PROS1: variants seen among roughly 807,000 people sequenced by gnomAD.
The protein encoded by PROS1 is vitamin K-dependent protein S.
Under a neutral mutation model 75.9 loss-of-function variants are expected in PROS1, and 29 were observed. The observed-to-expected ratio is 0.38, with a 90% CI of 0.28 to 0.52. The LOEUF (loss-of-function observed/expected upper bound fraction) is 0.52. Among genes scored for constraint, PROS1 ranks in the 20% least tolerant of loss-of-function variants. The probability of loss-of-function intolerance (pLI) is 0.83; values close to 1 mark genes in which losing one functional copy is unlikely to be tolerated. For synonymous variants in PROS1, 245 were observed against 280.6 expected (o/e 0.87, Z 1.27); for missense variants, 680 against 810.3 (o/e 0.84, Z 1.95).
At chr3:93,902,559 C>T (rs945005056) in intron 6 of PROS1, among the ~76,000 whole-genome samples, 16 of 152,000 alleles carry the variant, frequency 1.1e-4, no homozygotes, top group Admixed American at 9.8e-4. Flanking sequence ...TCAAGACCAG[C>T]CTGGTCAACA....
At chr3:93,915,263 T>C (rs1708827012) in intron 3 of PROS1, among the ~76,000 whole-genome samples, 1 of 152,086 alleles carries the variant, frequency 6.6e-6, no homozygotes, top group South Asian at 2.1e-4. Context: ...GGTAAGGAGT[T>C]TGAGGCTGCC....
intron 3 of PROS1, among the ~76,000 whole-genome samples, chr3:93,914,045 G>T (rs8178616): frequency 0.32 from 48,596 of 152,254 alleles, 9,635 homozygotes; most frequent in East Asian, 0.52. Context: ...GGTAGGGGCT[G>T]AGCCCTCAAG....
chr3:93,912,505 G>A (rs929936388), intron 3 of PROS1, among the ~76,000 whole-genome samples: 47 of 152,110 alleles, frequency 3.1e-4, no homozygotes, highest in African/African-American at 1.1e-3. Flanking sequence ...AGCCTACCAT[G>A]GTGAGATAGA....
chr3:93,902,930 G>A (rs1224332485), intron 6 of PROS1, among the ~76,000 whole-genome samples: 1 of 152,000 alleles, frequency 6.6e-6, no homozygotes, highest in African/African-American at 2.4e-5. Flanking sequence ...GATCTGTTGT[G>A]ATCTCAGCTC....
At chr3:93,935,692 G>C (rs960652829) in intron 1 of PROS1, among the ~76,000 whole-genome samples, 2 of 152,050 alleles carry the variant, frequency 1.3e-5, no homozygotes, top group African/African-American at 4.8e-5. Context: ...ATTTTTTAAA[G>C]TGCTTATTTG....
chr3:93,903,446 T>G (rs1163856110), intron 6 of PROS1, among the ~76,000 whole-genome samples: 3 of 152,204 alleles, frequency 2.0e-5, no homozygotes, highest in Non-Finnish European at 4.4e-5. Context: ...GATGGATCAC[T>G]TCAACCCAAG....
intron 1 of PROS1, among the ~76,000 whole-genome samples, chr3:93,934,445 A>G (rs1048142906): frequency 1.3e-5 from 2 of 152,122 alleles, no homozygotes; most frequent in African/African-American, 4.8e-5. Flanking sequence ...TTTTCTCTAG[A>G]TTTTATATTT....
intron 1 of PROS1, among the ~76,000 whole-genome samples, chr3:93,964,496 G>T (rs576083347): frequency 6.6e-6 from 1 of 151,864 alleles, no homozygotes; most frequent in Admixed American, 6.5e-5. Context: ...TTACTAGGGT[G>T]GGGAAAAAAC....
At position 93,973,715 on chromosome 3, in the gene PROS1, A is replaced by AGCAGCGCCCC; in HGVS notation, c.25_34dup (p.Leu12ArgfsTer30). On this transcript the variant is annotated frameshift_variant, in exon 1 of 15. Coordinates refer to ENST00000394236, the MANE Select transcript of PROS1 (RefSeq NM_000313.4). LOFTEE classifies it high-confidence loss of function. ...GGGAAGCACTAGGAGGAGACACGCC[A>AGCAGCGCCCC]GCAGCGCCCCGCAGCGCCCACCCAG... 6.2e-7 allele frequency: 1 copy of AGCAGCGCCCC among 1,614,010 alleles called. No individual in the cohort carries two copies.
intron 1 of PROS1, among the ~76,000 whole-genome samples, chr3:93,927,874 T>TGC (rs1709044507): frequency 2.2e-5 from 3 of 133,820 alleles, no homozygotes; most frequent in African/African-American, 8.1e-5. Flanking sequence ...TATATATATA[T>TGC]GTGTGTATGT....
At chr3:93,902,178 G>A (rs1708606298) in intron 6 of PROS1, among the ~76,000 whole-genome samples, 1 of 152,102 alleles carries the variant, frequency 6.6e-6, no homozygotes, top group South Asian at 2.1e-4. Context: ...GTGGTGGCAT[G>A]TGTTCTTGTT....
chr3:93,884,347 C>T (rs376708845), intron 12 of PROS1, among the ~76,000 whole-genome samples: 3 of 152,206 alleles, frequency 2.0e-5, no homozygotes, highest in South Asian at 2.1e-4. Flanking sequence ...GGAATTTCAA[C>T]AGGGAGGTAG....
At chr3:93,900,145 AAAC>A (rs1708568544) in intron 7 of PROS1, among the ~76,000 whole-genome samples, 1 of 152,204 alleles carries the variant, frequency 6.6e-6, no homozygotes, top group South Asian at 2.1e-4. Context: ...ACCTACAAAC[AAAC>A]AACTATAATA....
intron 1 of PROS1, among the ~76,000 whole-genome samples, chr3:93,944,857 A>G (rs1709353558): frequency 6.6e-6 from 1 of 152,154 alleles, no homozygotes; most frequent in African/African-American, 2.4e-5. Context: ...AAAAAAATCA[A>G]TGAATCTAGG....
At chr3:93,935,209 A>G (rs1709164705) in intron 1 of PROS1, among the ~76,000 whole-genome samples, 1 of 151,904 alleles carries the variant, frequency 6.6e-6, no homozygotes, top group Non-Finnish European at 1.5e-5. Flanking sequence ...ATTTTCTACA[A>G]CTCTATTTTT....
chr3:93,958,439 C>G (rs1197267600), intron 1 of PROS1: 2 of 152,224 alleles, frequency 1.3e-5, no homozygotes, highest in Admixed American at 6.5e-5. Flanking sequence ...ATTCCAACAT[C>G]TGTCAAAACC....
chr3:93,898,023 A>C (rs1708529139), intron 8 of PROS1, among the ~76,000 whole-genome samples: 1 of 152,042 alleles, frequency 6.6e-6, no homozygotes, highest in African/African-American at 2.4e-5. Flanking sequence ...CACTTTATAA[A>C]CCCTATAACG....
chr3:93,887,898 A>G (rs560431008), intron 10 of PROS1, among the ~76,000 whole-genome samples: 3 of 152,358 alleles, frequency 2.0e-5, no homozygotes, highest in African/African-American at 7.2e-5. Flanking sequence ...CACAATGAGT[A>G]GGGGCCATGC....
chr3:93,918,910 GT>G lies in PROS1; in HGVS notation c.259+5329del, dbSNP rs879846885. The stretch of plus-strand genomic sequence containing the variant: ...TATATATTTACAATTTCATTTCCAT[GT>G]TTTTTTTCACGTGTGTAAATGGTTT... On this transcript the variant is annotated intron_variant, in intron 3 of 14. Transcript: ENST00000394236. Among the ~76,000 whole-genome samples, 60 of 151,772 alleles carry G rather than the reference GT, an allele frequency of 4.0e-4. 2 individuals are homozygous for G. Among genetic ancestry groups the G allele is most frequent in the Admixed American group, 1.9e-3 (29 of 15,246 alleles).
Sources: allele counts gnomAD v4.1 joint callset (sites outside exome capture counted in the v4.1 genomes callset), GRCh38; gene constraint gnomAD v4.1.1; transcripts MANE v1.5; gene names NCBI Gene and HGNC (gene_info 2026-07-23, HGNC 2026-07-21).